Variants in HAO1 observed in about 807,000 individuals in gnomAD.
HAO1 encodes 2-Hydroxyacid oxidase 1.
HAO1 carries 34 observed loss-of-function variants against 39.7 expected under a neutral mutation model. That is an observed-to-expected ratio of 0.86 (90% CI 0.65 to 1.14). HAO1 has a LOEUF of 1.14. Ranked by LOEUF, HAO1 falls within the 50% of genes most tolerant of loss-of-function variation. The probability of loss-of-function intolerance (pLI) is 0.00; values close to 1 mark genes in which losing one functional copy is unlikely to be tolerated. For synonymous variants in HAO1, 172 were observed against 173.2 expected, an observed-to-expected ratio of 0.99 and a Z score of 0.05; for missense variants, 479 against 464.5, an observed-to-expected ratio of 1.03 and a Z score of -0.29.
chr20:7,914,999 A>T (rs2050300233), intron 2 of HAO1, among the ~76,000 whole-genome samples: 1 of 152,178 alleles, frequency 6.6e-6, no homozygotes, highest in African/African-American at 2.4e-5. Context: ...GGGCGCCTGT[A>T]GTCCCAGCTA....
At chr20:7,912,582 A>T (rs1050399530) in intron 3 of HAO1, among the ~76,000 whole-genome samples, 1 of 33,338 alleles carries the variant, frequency 3.0e-5, no homozygotes. Flanking sequence ...AAAGTCTTTA[A>T]AAAAAAAAAA....
intron 3 of HAO1, among the ~76,000 whole-genome samples, chr20:7,906,852 A>G (rs1401067584): frequency 6.6e-6 from 1 of 152,246 alleles, no homozygotes; most frequent in Non-Finnish European, 1.5e-5. Context: ...CCTCAAATAT[A>G]GAACTAGCTA....
rs1397971788 is a variant in HAO1, at chr20:7,883,119, A to G, written c.*474T>C. 1 of 159,708 alleles carries G rather than the reference A, an allele frequency of 6.3e-6. No homozygotes were observed. Among genetic ancestry groups the G allele is most frequent in the Admixed American group, 5.9e-5 (1 of 16,854 alleles). The allele number at this position is 159,708 out of a possible 1,614,324, so 9.9% of individuals were successfully genotyped here. On this transcript the variant is annotated 3_prime_UTR_variant, in exon 8 of 8. Transcript: ENST00000378789. ...TCACCAATTACCGCCACCCATTCCA[A>G]TTCTCTCCAGTGCTACCTTCTCAAA...
chr20:7,905,500 A>G (rs2050243478), intron 4 of HAO1, among the ~76,000 whole-genome samples: 1 of 152,202 alleles, frequency 6.6e-6, no homozygotes, highest in East Asian at 1.9e-4. Flanking sequence ...ATATACCACA[A>G]AGGTTTTCTT....
At position 7,940,395 on chromosome 20, in the gene HAO1, C is replaced by A; in HGVS notation, c.28G>T (p.Asp10Tyr). MLPRLICIN[D>Y]YEQHAKSVLP... ...ACTGATTTAGCATGTTGTTCATAAT[C>A]ATTGATACAAATTAGCCGGGGGAGC... Residue 10 changes from aspartate (D) to tyrosine (Y), a missense_variant, in exon 1 of 8, where the codon GAT (aspartate) becomes TAT (tyrosine). By Grantham distance (160) the Asp-to-Tyr change is radical. Coordinates refer to ENST00000378789, the MANE Select transcript of HAO1 (RefSeq NM_017545.3). 1.9e-6 allele frequency: 3 copies of A among 1,610,722 alleles called. No homozygotes were observed. The highest frequency in any genetic ancestry group is 2.5e-6 in the Non-Finnish European group (3 of 1,178,818).
At chr20:7,897,102 T>C (rs1176480812) in intron 4 of HAO1, among the ~76,000 whole-genome samples, 2 of 152,220 alleles carry the variant, frequency 1.3e-5, no homozygotes, top group Non-Finnish European at 2.9e-5. Flanking sequence ...TATAATAATC[T>C]AAGTGGAAAA....
chr20:7,910,951 T>C (rs2050276731), intron 3 of HAO1, among the ~76,000 whole-genome samples: 1 of 151,440 alleles, frequency 6.6e-6, no homozygotes, highest in African/African-American at 2.5e-5. Flanking sequence ...GGTTTCCCAA[T>C]ATAGACATGT....
intron 2 of HAO1, among the ~76,000 whole-genome samples, chr20:7,932,411 C>T (rs935229450): frequency 1.3e-5 from 2 of 152,160 alleles, no homozygotes; most frequent in East Asian, 3.9e-4. Context: ...CCATTCTCTT[C>T]ATGGTCCCTT....
intron 2 of HAO1, among the ~76,000 whole-genome samples, chr20:7,930,836 C>T (rs1204937747): frequency 6.6e-6 from 1 of 152,006 alleles, no homozygotes; most frequent in African/African-American, 2.4e-5. Flanking sequence ...TAATGTCAGG[C>T]AAAAAGTGGT....
Position 7,914,310 on chromosome 20 carries a change from G to A in HAO1, c.399C>T (p.Ile133=). Residue 133 remains isoleucine (I), a synonymous_variant, in exon 3 of 8, where the codon ATC becomes ATT. Coordinates refer to ENST00000378789, the MANE Select transcript of HAO1 (RefSeq NM_017545.3). Reference sequence around the variant, plus strand: ...TCTTGGTGACTTCTCGGTCCTTGTAGATATACAGTTGCAGCCAACGAAGTG... The same window carrying A: ...TCTTGGTGACTTCTCGGTCCTTGTAAATATACAGTTGCAGCCAACGAAGTG... ...PEALRWLQLY[I]YKDREVTKKL... 1.9e-6 allele frequency: 3 copies of A among 1,614,030 alleles called. No individual in the cohort carries two copies. The South Asian group carries it at 3.3e-5, about 18-fold the overall frequency.
chr20:7,923,004 C>A (rs937071534), intron 2 of HAO1, among the ~76,000 whole-genome samples: 1 of 152,098 alleles, frequency 6.6e-6, no homozygotes, highest in Non-Finnish European at 1.5e-5. Flanking sequence ...AGAGTTAAAT[C>A]ACATGTCCTA....
intron 4 of HAO1, among the ~76,000 whole-genome samples, chr20:7,902,071 T>G (rs1032546991): frequency 2.6e-5 from 4 of 152,210 alleles, no homozygotes; most frequent in African/African-American, 9.7e-5. Flanking sequence ...AAGTGGTTTC[T>G]TGGGATGGAA....
At chr20:7,892,289 C>T (rs1486659398) in intron 5 of HAO1, among the ~76,000 whole-genome samples, 4 of 152,054 alleles carry the variant, frequency 2.6e-5, no homozygotes, top group Admixed American at 1.3e-4. Flanking sequence ...TTTCACACAT[C>T]GGCCAGGCTG....
At chr20:7,900,932 C>G (rs1242366582) in intron 4 of HAO1, among the ~76,000 whole-genome samples, 2 of 152,104 alleles carry the variant, frequency 1.3e-5, no homozygotes, top group African/African-American at 4.8e-5. Flanking sequence ...CTAGTGAACA[C>G]AGAAATGATA....
chr20:7,909,932 TGAGAACACA>T (rs1217647015), intron 3 of HAO1, among the ~76,000 whole-genome samples: 1 of 152,168 alleles, frequency 6.6e-6, no homozygotes, highest in Non-Finnish European at 1.5e-5. Context: ...ACACTTGTGT[TGAGAACACA>T]GCCCTGGTAA....
chr20:7,928,214 A>C (rs1008509596), intron 2 of HAO1, among the ~76,000 whole-genome samples: 2 of 152,228 alleles, frequency 1.3e-5, no homozygotes, highest in Non-Finnish European at 2.9e-5. Flanking sequence ...TCAAATGCTC[A>C]CTGCCTCATC....
rs114304623 is a variant in HAO1, at chr20:7,919,709, T to C, written c.290-5290A>G. On this transcript the variant is annotated intron_variant, in intron 2 of 7. Coordinates refer to ENST00000378789, the MANE Select transcript of HAO1 (RefSeq NM_017545.3). Reference sequence around the variant, plus strand: ...ATGTTTCTGAACGTTTTCTGTGTAATCTCTGAAGCCATGCAATTGTAAAGG... The same window carrying C: ...ATGTTTCTGAACGTTTTCTGTGTAACCTCTGAAGCCATGCAATTGTAAAGG... Among the ~76,000 whole-genome samples the C allele has an allele frequency of 5.0e-3, 762 of 152,228 alleles. 15 individuals are homozygous for C. Among genetic ancestry groups the C allele is most frequent in the African/African-American group, 0.017 (725 of 41,538 alleles).
chr20:7,935,995 A>G (rs1190181205), intron 1 of HAO1, among the ~76,000 whole-genome samples: 1 of 152,196 alleles, frequency 6.6e-6, no homozygotes, highest in Non-Finnish European at 1.5e-5. Flanking sequence ...ATAGTAATGC[A>G]GTAACTTAAA....
intron 2 of HAO1, among the ~76,000 whole-genome samples, chr20:7,921,873 A>G (rs1362008285): frequency 6.6e-6 from 1 of 152,182 alleles, no homozygotes; most frequent in Non-Finnish European, 1.5e-5. Flanking sequence ...CAAATACCAC[A>G]TGTTGTCACT....
Sources: gnomAD v4.1 joint callset for allele counts (sites outside exome capture counted in the v4.1 genomes callset) on GRCh38, gnomAD v4.1.1 for gene constraint, MANE v1.5 for transcripts, NCBI Gene and HGNC (gene_info 2026-07-23, HGNC 2026-07-21) for gene names.